Variants in ELMOD3 observed in about 807,000 individuals in gnomAD.
The protein encoded by ELMOD3 is ELMO domain containing 3.
Under a neutral mutation model 47.4 loss-of-function variants are expected in ELMOD3, and 36 were observed. The ratio of observed to expected loss-of-function variants is 0.76; its 90% confidence interval spans 0.58 to 1.00. The LOEUF (loss-of-function observed/expected upper bound fraction) is 1.00. Among genes scored for constraint, ELMOD3 ranks in the 50% least tolerant of loss-of-function variants. The pLI, the probability that ELMOD3 is intolerant of heterozygous loss-of-function variation, is 0.00. For missense variants in ELMOD3, 404 were observed against 463.8 expected (o/e 0.87, Z 1.18); for synonymous variants, 149 against 183.5 (o/e 0.81, Z 1.52).
chr2:85,357,129 G>C lies in ELMOD3; in HGVS notation c.-70G>C. On this transcript the variant is annotated 5_prime_UTR_variant, in exon 4 of 14. Coordinates refer to ENST00000409013, the MANE Select transcript of ELMOD3 (RefSeq NM_001135022.2). ...ATCTCTGGCTCTCCACATAGCTTCT[G>C]ATCTCAGACCTTACTAAAATGCTTT... 9.1e-7 allele frequency: 1 copy of C among 1,093,770 alleles called. No individual in the cohort carries two copies. Among genetic ancestry groups the C allele is most frequent in the Non-Finnish European group, 1.4e-6 (1 of 735,004 alleles). The allele number at this position is 1,093,770 out of a possible 1,614,324, so 67.8% of individuals were successfully genotyped here. A position where few individuals can be genotyped will look rare whatever the true frequency, so the allele number is the denominator to read the frequency against.
rs1453840990 is a variant in ELMOD3 at position 85,377,332 on chromosome 2, T to C, written c.608-12T>C. On this transcript the variant is annotated splice_polypyrimidine_tract_variant and intron_variant, in intron 10 of 13. Coordinates refer to ENST00000409013, the MANE Select transcript of ELMOD3 (RefSeq NM_001135022.2). ...GCTGCCACACCCTGTTTCCTCACGG[T>C]CTCTGTTACAGGAGCGAATCCAGCC... 6.3e-7 allele frequency: 1 copy of C among 1,579,284 alleles called. No individual in the cohort carries two copies. Among genetic ancestry groups the C allele is most frequent in the Non-Finnish European group, 8.6e-7 (1 of 1,164,172 alleles).
At chr2:85,356,482 C>T (rs1683572664) in intron 3 of ELMOD3, 2 of 152,312 alleles carry the variant, frequency 1.3e-5, no homozygotes, top group Non-Finnish European at 2.9e-5. Context: ...ATCCAGCTCA[C>T]AGTCCCCTGT....
Position 85,377,334 on chromosome 2 carries a change from T to C in ELMOD3, c.608-10T>C. 1 of 1,581,742 alleles carries C rather than the reference T, an allele frequency of 6.3e-7. No individual in the cohort carries two copies. Among genetic ancestry groups the C allele is most frequent in the South Asian group, 1.2e-5 (1 of 85,848 alleles). ...TGCCACACCCTGTTTCCTCACGGTC[T>C]CTGTTACAGGAGCGAATCCAGCCAC... is the stretch of plus-strand genomic sequence containing the variant. On this transcript the variant is annotated splice_polypyrimidine_tract_variant and intron_variant, in intron 10 of 13. Coordinates refer to ENST00000409013, the MANE Select transcript of ELMOD3 (RefSeq NM_001135022.2).
At position 85,371,453 on chromosome 2, in the gene ELMOD3, C is replaced by T. The variant is rs763860824; in HGVS notation, c.498C>T (p.Ser166=). Residue 166 remains serine, a synonymous_variant, in exon 10 of 14, where the codon AGC becomes AGT. Transcript: ENST00000409013. ...VLTIAQCGLD[S]QDPVHGRVLQ... ...GTTTTGGGGCAGGTGGCCTGGATAG[C>T]CAAGACCCAGTGCATGGCCGAGTCC... The T allele has an allele frequency of 3.1e-6, 5 of 1,614,028 alleles. No individual in the cohort carries two copies. In the African/African-American group the frequency reaches 6.7e-5, roughly 22 times the overall value.
At chr2:85,381,047 C>T (rs1383917922) in intron 11 of ELMOD3, among the ~76,000 whole-genome samples, 1 of 152,106 alleles carries the variant, frequency 6.6e-6, no homozygotes, top group Non-Finnish European at 1.5e-5. Context: ...AATTTTGGAA[C>T]ACATACCAAT....
chr2:85,363,120 C>T lies in ELMOD3; in HGVS notation c.153C>T (p.Gly51=), dbSNP rs930145038. The T allele has an allele frequency of 1.2e-6, 2 of 1,612,032 alleles. No individual in the cohort carries two copies. The highest frequency in any genetic ancestry group is 1.7e-5 in the Admixed American group (1 of 60,000). ...GIPISELKNH[G]ILQALTTEAY... is the part of the protein sequence containing the mutation. The stretch of plus-strand genomic sequence containing the variant: ...AGATCTCAGAGTTGAAGAACCATGG[C>T]ATTCTCCAGGCTCTGACCACAGAAG... The change falls in exon 6 of 14, where the codon GGC becomes GGT. Residue 51 remains glycine (G), a synonymous_variant. Transcript: ENST00000409013.
chr2:85,356,849 C>G (rs979353579), intron 3 of ELMOD3, 118 bp from the exon 4 acceptor site: 1 of 160,888 alleles, frequency 6.2e-6, no homozygotes, highest in African/African-American at 2.4e-5. Context: ...CGGCTGCACT[C>G]CAGCCTGGGC....
intron 6 of ELMOD3, among the ~76,000 whole-genome samples, chr2:85,365,884 T>C (rs1425957661): frequency 1.3e-5 from 2 of 152,256 alleles, no homozygotes; most frequent in East Asian, 3.9e-4. Context: ...TCAATAAAGC[T>C]GCATGAAGGT....
chr2:85,369,684 G>A (rs951980893), intron 7 of ELMOD3, 55 bp from the exon 8 acceptor site: 4 of 1,587,996 alleles, frequency 2.5e-6, no homozygotes, highest in African/African-American at 2.7e-5. Context: ...CTCAGTAAAT[G>A]TTTGTTGACA....
chr2:85,376,706 C>G lies in ELMOD3; in HGVS notation c.608-638C>G, dbSNP rs1685187814. Among the ~76,000 whole-genome samples the G allele has an allele frequency of 6.6e-6, 1 of 152,174 alleles. No individual in the cohort carries two copies. The highest frequency in any genetic ancestry group is 6.5e-5 in the Admixed American group (1 of 15,276). ...CCACATTTTTCTCTGTGGTGTTTTGCTGCAGTAGGGTGGGTATTGGCTAAA... is the reference window on the plus strand; with the variant it reads ...CCACATTTTTCTCTGTGGTGTTTTGGTGCAGTAGGGTGGGTATTGGCTAAA... On this transcript the variant is annotated intron_variant, in intron 10 of 13. Coordinates refer to ENST00000409013, the MANE Select transcript of ELMOD3 (RefSeq NM_001135022.2). This position sits in a 1 kb window ranked among gnomAD's most constrained non-coding sequence, Gnocchi z 4.2.
chr2:85,355,238 A>G (rs1038486885), intron 2 of ELMOD3, 68 bp downstream of exon 2: 2 of 152,240 alleles, frequency 1.3e-5, no homozygotes, highest in Non-Finnish European at 2.9e-5. Flanking sequence ...CCTGGGACGG[A>G]GTCCTCTATG....
intron 11 of ELMOD3, among the ~76,000 whole-genome samples, chr2:85,385,049 T>C (rs1685833727): frequency 6.6e-6 from 1 of 152,116 alleles, no homozygotes; most frequent in African/African-American, 2.4e-5. Flanking sequence ...ACAGTTACAG[T>C]ATTTTTATAG....
intron 11 of ELMOD3, among the ~76,000 whole-genome samples, chr2:85,378,872 G>A (rs1685351950): frequency 6.6e-6 from 1 of 152,124 alleles, no homozygotes; most frequent in African/African-American, 2.4e-5. Flanking sequence ...AGACGGATAG[G>A]TCCCCGAGTT....
intron 10 of ELMOD3, among the ~76,000 whole-genome samples, chr2:85,373,465 C>A (rs937069815): frequency 1.3e-5 from 2 of 151,934 alleles, no homozygotes; most frequent in Non-Finnish European, 1.5e-5. Context: ...GGGGTTCTCA[C>A]GAAGAACCAG....
intron 11 of ELMOD3, among the ~76,000 whole-genome samples, chr2:85,385,369 A>G (rs954290595): frequency 1.3e-5 from 2 of 152,016 alleles, no homozygotes; most frequent in Admixed American, 6.6e-5. Context: ...GCGAAGGGAG[A>G]TAGGGGTGGG....
intron 10 of ELMOD3, among the ~76,000 whole-genome samples, chr2:85,375,249 T>G (rs1383471293): frequency 6.6e-6 from 1 of 152,204 alleles, no homozygotes; most frequent in East Asian, 1.9e-4. Context: ...TGTGATTCCT[T>G]TGAATACTTT....
chr2:85,378,217 G>A (rs1014262777), intron 11 of ELMOD3, among the ~76,000 whole-genome samples: 1 of 152,216 alleles, frequency 6.6e-6, no homozygotes, highest in African/African-American at 2.4e-5. Flanking sequence ...TTGCTTCTAA[G>A]AGAAGTTACT....
At chr2:85,374,378 A>G (rs1328344875) in intron 10 of ELMOD3, among the ~76,000 whole-genome samples, 4 of 151,944 alleles carry the variant, frequency 2.6e-5, no homozygotes, top group Non-Finnish European at 4.4e-5. Context: ...GTCTCACTCT[A>G]TTGCCCAGGC....
intron 4 of ELMOD3, among the ~76,000 whole-genome samples, chr2:85,361,329 TA>T (rs1312974052): frequency 3.3e-5 from 5 of 152,212 alleles, no homozygotes; most frequent in African/African-American, 1.2e-4. Flanking sequence ...GAAATCGGTA[TA>T]AAATTTTTGA....
Sources: allele counts gnomAD v4.1 joint callset (sites outside exome capture counted in the v4.1 genomes callset), GRCh38; gene constraint gnomAD v4.1.1; non-coding constraint Gnocchi (gnomAD v3.1); transcripts MANE v1.5; gene names NCBI Gene and HGNC (gene_info 2026-07-23, HGNC 2026-07-21).